The following ERBB4 variants were observed in gnomAD, a reference collection of about 807,000 sequenced individuals.
ERBB4 encodes erb-b2 receptor tyrosine kinase 4.
ERBB4 carries 42 observed loss-of-function variants against 158.0 expected under a neutral mutation model. The observed-to-expected ratio is 0.27, with a 90% CI of 0.21 to 0.34. ERBB4 has a LOEUF of 0.34. Ranked by LOEUF, ERBB4 falls within the 10% of genes least tolerant of loss-of-function variation. The pLI is 1.00. For synonymous variants in ERBB4, 583 were observed against 558.7 expected, an observed-to-expected ratio of 1.04 and a Z score of -0.61; for missense variants, 1,333 against 1,624.1, an observed-to-expected ratio of 0.82 and a Z score of 3.08.
chr2:211,566,606 T>C (rs2067556290), intron 19 of ERBB4, among the ~76,000 whole-genome samples: 1 of 152,176 alleles, frequency 6.6e-6, no homozygotes. Flanking sequence ...AATGATCTAT[T>C]ATTACCTATT....
intron 1 of ERBB4, among the ~76,000 whole-genome samples, chr2:212,238,424 C>T (rs1021348168): frequency 6.6e-6 from 1 of 152,154 alleles, no homozygotes; most frequent in African/African-American, 2.4e-5. Flanking sequence ...CTAACCAGTC[C>T]CAGTGAGATG....
intron 2 of ERBB4, among the ~76,000 whole-genome samples, chr2:212,054,172 G>A (rs529400529): frequency 6.6e-6 from 1 of 152,122 alleles, no homozygotes; most frequent in Non-Finnish European, 1.5e-5. Flanking sequence ...GTGCTATGTA[G>A]GGAGTTTATT....
intron 1 of ERBB4, among the ~76,000 whole-genome samples, chr2:212,392,973 G>T (rs904609308): frequency 2.0e-5 from 3 of 151,898 alleles, no homozygotes; most frequent in Non-Finnish European, 4.4e-5. Context: ...ATGCTTTAAG[G>T]TCTTCTAGGA....
chr2:211,577,769 T>C (rs2067935446), intron 19 of ERBB4, among the ~76,000 whole-genome samples: 1 of 152,162 alleles, frequency 6.6e-6, no homozygotes, highest in South Asian at 2.1e-4. Flanking sequence ...CATTCCCTCA[T>C]GTTAAAAACT....
intron 1 of ERBB4, among the ~76,000 whole-genome samples, chr2:212,370,301 A>G (rs2090041830): frequency 6.6e-6 from 1 of 152,194 alleles, no homozygotes; most frequent in African/African-American, 2.4e-5. Flanking sequence ...CTCCCCAGCC[A>G]TGTGGAACTG....
At chr2:211,884,562 T>A (rs1210834142) in intron 3 of ERBB4, among the ~76,000 whole-genome samples, 1 of 152,168 alleles carries the variant, frequency 6.6e-6, no homozygotes, top group African/African-American at 2.4e-5. Flanking sequence ...ATCCTACCCA[T>A]AAGGAACCCC....
At chr2:211,970,519 T>C (rs2081422112) in intron 2 of ERBB4, among the ~76,000 whole-genome samples, 1 of 152,174 alleles carries the variant, frequency 6.6e-6, no homozygotes, top group Non-Finnish European at 1.5e-5. Context: ...GTAAGTCTCT[T>C]CAAAGGTCTC....
intron 1 of ERBB4, among the ~76,000 whole-genome samples, chr2:212,369,872 C>T (rs952704751): frequency 6.6e-6 from 1 of 151,928 alleles, no homozygotes. Context: ...ATACTAATTT[C>T]GTTTAAAGCA....
intron 25 of ERBB4, among the ~76,000 whole-genome samples, chr2:211,388,209 TC>T (rs2062728018): frequency 6.6e-6 from 1 of 152,126 alleles, no homozygotes; most frequent in South Asian, 2.1e-4. Context: ...TTTAATTCAA[TC>T]CCTGAAAAGG....
In ERBB4 at chr2:212,319,411, A is replaced by G. The variant is rs188953232; in HGVS notation, c.83-194508T>C. Among the ~76,000 whole-genome samples the G allele has an allele frequency of 1.5e-3, 231 of 150,300 alleles. 13 individuals are homozygous for G. Among genetic ancestry groups the G allele is most frequent in the Non-Finnish European group, 2.5e-3 (169 of 66,942 alleles). On this transcript the variant is annotated intron_variant, in intron 1 of 27. Transcript: ENST00000342788. ...GCTGTTGTTATTTTTGTGTTTGTTT[A>G]TCTTCTTGCTTTGAGGTTAAATTTG... is the stretch of plus-strand genomic sequence containing the variant.
At chr2:211,738,949 CT>C (rs1213381218) in intron 5 of ERBB4, among the ~76,000 whole-genome samples, 1 of 152,062 alleles carries the variant, frequency 6.6e-6, no homozygotes, top group Non-Finnish European at 1.5e-5. Flanking sequence ...AGAAAATGAT[CT>C]TTTTCTTATA....
intron 1 of ERBB4, among the ~76,000 whole-genome samples, chr2:212,285,528 G>A (rs2085927755): frequency 6.6e-6 from 1 of 151,956 alleles, no homozygotes; most frequent in African/African-American, 2.4e-5. Flanking sequence ...ATAGAGTAGT[G>A]GGTTAGGTGG....
At chr2:212,243,782 G>T (rs1192877756) in intron 1 of ERBB4, among the ~76,000 whole-genome samples, 1 of 152,006 alleles carries the variant, frequency 6.6e-6, no homozygotes, top group Non-Finnish European at 1.5e-5. Flanking sequence ...TGGAATAATA[G>T]CTATTGAGCC....
chr2:211,973,920 G>C lies in ERBB4; in HGVS notation c.235-26304C>G, dbSNP rs111611354. The stretch of plus-strand genomic sequence containing the variant: ...TAGCCATAAAAAAGAATAAAGTCAT[G>C]TCCTTTACAGGGACATGAATTAAGC... On this transcript the variant is annotated intron_variant, in intron 2 of 27. Coordinates refer to ENST00000342788, the MANE Select transcript of ERBB4 (RefSeq NM_005235.3). Among the ~76,000 whole-genome samples, 726 of 152,276 alleles carry C rather than the reference G, an allele frequency of 4.8e-3. 7 individuals are homozygous for C. Among genetic ancestry groups the C allele is most frequent in the African/African-American group, 0.016 (683 of 41,558 alleles).
chr2:211,886,189 A>T (rs1392590153), intron 3 of ERBB4, among the ~76,000 whole-genome samples: 1 of 152,186 alleles, frequency 6.6e-6, no homozygotes, highest in Non-Finnish European at 1.5e-5. Flanking sequence ...CTTTTTATTC[A>T]GATCTTAATT....
intron 3 of ERBB4, among the ~76,000 whole-genome samples, chr2:211,837,999 A>T (rs1575222392): frequency 6.6e-6 from 1 of 152,018 alleles, no homozygotes; most frequent in East Asian, 1.9e-4. Context: ...GCTGAATGCC[A>T]AAGTGGACTG....
chr2:212,461,577 T>G (rs1688577691), intron 1 of ERBB4, among the ~76,000 whole-genome samples: 1 of 152,186 alleles, frequency 6.6e-6, no homozygotes, highest in Non-Finnish European at 1.5e-5. Flanking sequence ...TGGAAGGGAC[T>G]TGCCTTGTCT....
intron 20 of ERBB4, among the ~76,000 whole-genome samples, chr2:211,557,668 G>A (rs1046638901): frequency 8.6e-5 from 13 of 151,940 alleles, no homozygotes; most frequent in African/African-American, 2.9e-4. Context: ...TATACATGGT[G>A]GGAGCATAAA....
chr2:211,799,556 C>A (rs2076454284), intron 3 of ERBB4, among the ~76,000 whole-genome samples: 1 of 152,108 alleles, frequency 6.6e-6, no homozygotes, highest in Non-Finnish European at 1.5e-5. Context: ...GACTGGGTAA[C>A]CATGACTCTG....
Sources: allele counts gnomAD v4.1 joint callset (sites outside exome capture counted in the v4.1 genomes callset), GRCh38; gene constraint gnomAD v4.1.1; transcripts MANE v1.5; gene names NCBI Gene and HGNC (gene_info 2026-07-23, HGNC 2026-07-21).